The following RSPO2 variants were observed in gnomAD, a reference collection of about 807,000 sequenced individuals.
The protein encoded by RSPO2 is R-spondin-2.
RSPO2 carries 14 observed loss-of-function variants against 30.9 expected under a neutral mutation model. The observed-to-expected ratio is 0.45, with a 90% CI of 0.30 to 0.71. RSPO2 has a LOEUF of 0.71. RSPO2 is among the 30% of genes least tolerant of loss of function. The pLI is 0.08. For synonymous variants in RSPO2, 107 were observed against 96.4 expected, an observed-to-expected ratio of 1.11 and a Z score of -0.64; for missense variants, 264 against 301.9, an observed-to-expected ratio of 0.87 and a Z score of 0.93.
At chr8:107,999,593 C>G (rs886893927) in intron 2 of RSPO2, among the ~76,000 whole-genome samples, 1 of 152,088 alleles carries the variant, frequency 6.6e-6, no homozygotes, top group Non-Finnish European at 1.5e-5. Context: ...TGCCACCACA[C>G]CCAGCTAATT....
chr8:108,068,447 A>G (rs1314808040), intron 2 of RSPO2, among the ~76,000 whole-genome samples: 1 of 152,194 alleles, frequency 6.6e-6, no homozygotes, highest in African/African-American at 2.4e-5. Flanking sequence ...TTGTTATACT[A>G]ATAATATTAT....
chr8:108,048,315 A>G (rs1247922222), intron 2 of RSPO2, among the ~76,000 whole-genome samples: 8 of 151,814 alleles, frequency 5.3e-5, no homozygotes, highest in Non-Finnish European at 1.0e-4. Context: ...CTAAGCTGTC[A>G]ACCTCTACTG....
chr8:107,972,223 G>A (rs779128229), intron 3 of RSPO2, among the ~76,000 whole-genome samples: 16 of 151,440 alleles, frequency 1.1e-4, no homozygotes, highest in Non-Finnish European at 1.6e-4. Context: ...TCAGCTCACT[G>A]CAACCTCTGC....
intron 5 of RSPO2, among the ~76,000 whole-genome samples, chr8:107,950,852 A>T (rs1813219252): frequency 1.3e-5 from 2 of 152,028 alleles, no homozygotes; most frequent in African/African-American, 4.8e-5. Flanking sequence ...AGATTTTAGT[A>T]AAATTCTGTT....
At chr8:107,934,233 C>A (rs1234671165) in intron 5 of RSPO2, among the ~76,000 whole-genome samples, 1 of 152,158 alleles carries the variant, frequency 6.6e-6, no homozygotes, top group African/African-American at 2.4e-5. Flanking sequence ...AAATCACATC[C>A]TTTTATACAG....
intron 2 of RSPO2, among the ~76,000 whole-genome samples, chr8:108,065,134 G>A (rs780733778): frequency 2.6e-5 from 4 of 151,456 alleles, no homozygotes; most frequent in South Asian, 2.1e-4. Flanking sequence ...ACGAACCTGC[G>A]CATTGTGCAC....
At chr8:108,024,810 G>C (rs1811157098) in intron 2 of RSPO2, among the ~76,000 whole-genome samples, 1 of 152,184 alleles carries the variant, frequency 6.6e-6, no homozygotes. Flanking sequence ...ACTTGAGTCT[G>C]AAAGTTTGAG....
intron 2 of RSPO2, among the ~76,000 whole-genome samples, chr8:108,060,019 TA>T (rs200227149): frequency 6.7e-6 from 1 of 149,860 alleles, no homozygotes; most frequent in Non-Finnish European, 1.5e-5. Context: ...AAAATAAAAT[TA>T]AAAAAAAAGA....
chr8:108,074,142 G>A (rs531736478), intron 2 of RSPO2, among the ~76,000 whole-genome samples: 4 of 152,136 alleles, frequency 2.6e-5, no homozygotes, highest in South Asian at 2.1e-4. Context: ...AAACCCTTCT[G>A]AAAACAAATG....
intron 5 of RSPO2, among the ~76,000 whole-genome samples, chr8:107,925,154 G>C (rs903264348): frequency 6.6e-6 from 1 of 151,812 alleles, no homozygotes; most frequent in Admixed American, 6.6e-5. Context: ...GGGGGTTAAG[G>C]TTGAGAGGGG....
At chr8:107,903,472 A>C (rs2130244627) in intron 5 of RSPO2, among the ~76,000 whole-genome samples, 1 of 152,194 alleles carries the variant, frequency 6.6e-6, no homozygotes, top group Non-Finnish European at 1.5e-5. Flanking sequence ...TCATTTACCC[A>C]ATATATTATT....
intron 5 of RSPO2, among the ~76,000 whole-genome samples, chr8:107,927,922 T>G (rs1186082696): frequency 1.3e-5 from 2 of 152,166 alleles, no homozygotes; most frequent in African/African-American, 4.8e-5. Flanking sequence ...GCAACTCACA[T>G]GTCCAATTCT....
intron 2 of RSPO2, among the ~76,000 whole-genome samples, chr8:108,053,488 GGCAA>G (rs1485377492): frequency 1.3e-5 from 2 of 152,046 alleles, no homozygotes; most frequent in Admixed American, 1.3e-4. Flanking sequence ...TCTATAACTA[GGCAA>G]GCAAAGCAAT....
At chr8:108,023,593 C>T (rs1811117409) in intron 2 of RSPO2, among the ~76,000 whole-genome samples, 1 of 152,136 alleles carries the variant, frequency 6.6e-6, no homozygotes, top group Non-Finnish European at 1.5e-5. Context: ...GAGAGTTGAA[C>T]AGAAAAGTGG....
intron 2 of RSPO2, among the ~76,000 whole-genome samples, chr8:108,054,853 C>A (rs1032681408): frequency 2.6e-5 from 4 of 152,142 alleles, no homozygotes; most frequent in African/African-American, 9.7e-5. Flanking sequence ...GTGGCTCATG[C>A]CTCTAATCCC....
intron 2 of RSPO2, among the ~76,000 whole-genome samples, chr8:108,009,601 C>A (rs1299307185): frequency 1.3e-5 from 2 of 152,100 alleles, no homozygotes; most frequent in Admixed American, 1.3e-4. Flanking sequence ...TAGCTCTTAG[C>A]TTTTTCTTCA....
In RSPO2 at chr8:107,900,421, G is replaced by A. The variant is rs1305805593; in HGVS notation, c.*654C>T. 1 of 152,486 alleles carries A rather than the reference G, an allele frequency of 6.6e-6. No individual in the cohort carries two copies. Among genetic ancestry groups the A allele is most frequent in the Non-Finnish European group, 1.5e-5 (1 of 68,032 alleles). The allele number at this position is 152,486 out of a possible 1,614,324, so 9.4% of individuals were successfully genotyped here. A position where few individuals can be genotyped will look rare whatever the true frequency, so the allele number is the denominator to read the frequency against. ...AAGTCATTTATCAGACAATGGGTTA[G>A]GAACCACTAGAAACAAAGTGGCATC... On this transcript the variant is annotated 3_prime_UTR_variant, in exon 6 of 6. Transcript: ENST00000276659.
chr8:107,905,271 A>T (rs1283759426), intron 5 of RSPO2, among the ~76,000 whole-genome samples: 2 of 152,078 alleles, frequency 1.3e-5, no homozygotes, highest in African/African-American at 2.4e-5. Flanking sequence ...AGTTTCCATA[A>T]TGCTGTGTGT....
In RSPO2 at chr8:107,900,958, G is replaced by C. The variant is rs1474582175; in HGVS notation, c.*117C>G. The C allele has an allele frequency of 1.3e-5, 14 of 1,061,580 alleles. No homozygotes were observed. The highest frequency in any genetic ancestry group is 1.8e-5 in the Non-Finnish European group (13 of 736,482). The allele number at this position is 1,061,580 out of a possible 1,614,324, so 65.8% of individuals were successfully genotyped here. A position where few individuals can be genotyped will look rare whatever the true frequency, so the allele number is the denominator to read the frequency against. Reference sequence around the variant, plus strand: ...GGTGCTTCCTTTCACCATGTTACTGGGAACAGATACTGGGCAGAGCAGCAC... The same window carrying C: ...GGTGCTTCCTTTCACCATGTTACTGCGAACAGATACTGGGCAGAGCAGCAC... On this transcript the variant is annotated 3_prime_UTR_variant, in exon 6 of 6. Coordinates refer to ENST00000276659, the MANE Select transcript of RSPO2 (RefSeq NM_178565.5).
Sources: allele counts gnomAD v4.1 joint callset (sites outside exome capture counted in the v4.1 genomes callset), GRCh38; gene constraint gnomAD v4.1.1; transcripts MANE v1.5; gene names NCBI Gene and HGNC (gene_info 2026-07-23, HGNC 2026-07-21).